POLE: variants seen among roughly 807,000 people sequenced by gnomAD.
POLE encodes the protein DNA polymerase epsilon, catalytic subunit, also known as DNA polymerase epsilon catalytic subunit A.
Under a neutral mutation model 279.2 loss-of-function variants are expected in POLE, and 188 were observed. The observed-to-expected ratio is 0.67, with a 90% CI of 0.60 to 0.76. The LOEUF is 0.76. Ranked by LOEUF, POLE falls within the 30% of genes least tolerant of loss-of-function variation. POLE has a pLI of 0.00. For synonymous variants in POLE, 1,214 were observed against 1,172.5 expected (o/e 1.04, Z -0.72); for missense variants, 2,703 against 3,016.7 (o/e 0.90, Z 2.44).
intron 3 of POLE, 62 bp from the exon 4 acceptor site, chr12:132,680,284 A>G: frequency 2.1e-6 from 3 of 1,459,768 alleles, no homozygotes; most frequent in Non-Finnish European, 2.9e-6. Context: ...AGAAAAGTGA[A>G]AACACATTGC....
In POLE at chr12:132,665,315, C is replaced by G. The variant is rs1555226692; in HGVS notation, c.2455G>C (p.Val819Leu). 4.3e-6 allele frequency: 7 copies of G among 1,613,952 alleles called. No individual in the cohort carries two copies. The highest frequency in any genetic ancestry group is 5.9e-6 in the Non-Finnish European group (7 of 1,179,920). ...KCILNSFYGY[V>L]MRKGARWYSM... The stretch of plus-strand genomic sequence containing the variant: ...GGGCCCACCTACCCCTTGCGCATGA[C>G]ATAGCCATAGAAGGAGTTCAGGATG... Residue 819 changes from valine to leucine, a missense_variant, in exon 21 of 49, where the codon GTC (valine) becomes CTC (leucine). Val to Leu is a conservative substitution (Grantham distance 32, BLOSUM62 1). This residue lies in a region of POLE where 1,011 missense variants were observed against 1,111.7 expected (regional missense o/e 0.91). Transcript: ENST00000320574.
At position 132,668,618 on chromosome 12, in the gene POLE, A is replaced by C; in HGVS notation, c.2026+17T>G. The C allele has an allele frequency of 6.2e-7, 1 of 1,603,266 alleles. No individual in the cohort carries two copies. Among genetic ancestry groups the C allele is most frequent in the Non-Finnish European group, 8.5e-7 (1 of 1,171,568 alleles). On this transcript the variant is annotated intron_variant, in intron 18 of 48. Transcript: ENST00000320574. The surrounding 1 kb of genome is among the most constrained non-coding windows in gnomAD (Gnocchi z 4.0). ...CCCGTTTCCCACCGAGTGCCCACCC[A>C]GGCGGCCGACACTCACTGAACTCGC...
chr12:132,662,414 A>G (rs1218102996), intron 23 of POLE, among the ~76,000 whole-genome samples: 1 of 152,268 alleles, frequency 6.6e-6, no homozygotes. Flanking sequence ...GAGAAATTCG[A>G]AACAGGTTTA....
intron 16 of POLE, among the ~76,000 whole-genome samples, chr12:132,669,546 A>C (rs2042876991): frequency 6.6e-6 from 1 of 152,204 alleles, no homozygotes; most frequent in Admixed American, 6.5e-5. Context: ...TTTAAGAAAA[A>C]AGTGATTACA....
At chr12:132,630,613 T>C (rs1037960165) in intron 45 of POLE, among the ~76,000 whole-genome samples, 1 of 152,024 alleles carries the variant, frequency 6.6e-6, no homozygotes, top group Non-Finnish European at 1.5e-5. Context: ...TGGGGGGGCG[T>C]GGTGGCAGGC....
At position 132,636,149 on chromosome 12, in the gene POLE, GACC is replaced by G. The variant is rs2138489022; in HGVS notation, c.5679-128_5679-126del. The stretch of plus-strand genomic sequence containing the variant: ...AACACTGAATTTGAAAGTTCATTCA[GACC>G]ACATCATCCCTCAGGCTTCCTGGGG... On this transcript the variant is annotated intron_variant, in intron 41 of 48. Coordinates refer to ENST00000320574, the MANE Select transcript of POLE (RefSeq NM_006231.4). The G allele has an allele frequency of 3.8e-6, 4 of 1,058,606 alleles. No homozygotes were observed. The South Asian group carries it at 7.0e-5, about 18-fold the overall frequency. The allele number at this position is 1,058,606 out of a possible 1,614,324, so 65.6% of individuals were successfully genotyped here. A position where few individuals can be genotyped will look rare whatever the true frequency, so the allele number is the denominator to read the frequency against.
Position 132,675,386 on chromosome 12 carries a change from TGTG to T in POLE, c.1226+9_1226+11del. ...ACAGCAGTGAGGAGCCATGCTGCTC[TGTG>T]GCCCCTACCTGAGGCAGTCCATGTG... is the stretch of plus-strand genomic sequence containing the variant. On this transcript the variant is annotated intron_variant, in intron 12 of 48. Transcript: ENST00000320574. This position sits in a 1 kb window ranked among gnomAD's most constrained non-coding sequence, Gnocchi z 4.3. 6.2e-7 allele frequency: 1 copy of T among 1,613,664 alleles called. No individual in the cohort carries two copies. The highest frequency in any genetic ancestry group is 1.1e-5 in the South Asian group (1 of 91,022).
At chr12:132,643,590 G>A in intron 33 of POLE, 30 bp from the exon 34 acceptor site, 1 of 1,612,976 alleles carries the variant, frequency 6.2e-7, no homozygotes, top group Non-Finnish European at 8.5e-7. Flanking sequence ...AGGCCGGCAA[G>A]GGCTGGATGG....
chr12:132,624,364 C>T lies in POLE; in HGVS notation c.*333G>A. On this transcript the variant is annotated 3_prime_UTR_variant, in exon 49 of 49. Coordinates refer to ENST00000320574, the MANE Select transcript of POLE (RefSeq NM_006231.4). ...GAACTAGGGGCACCTAGAGGACGCT[C>T]CCACCCCACCAGGTGTGGTGCAGGA... 7.3e-6 allele frequency: 3 copies of T among 411,206 alleles called. No individual in the cohort carries two copies. The highest frequency in any genetic ancestry group is 1.3e-5 in the Non-Finnish European group (3 of 222,824). 25.5% of individuals were successfully genotyped at this position (411,206 alleles called of 1,614,324 possible).
chr12:132,662,647 G>A (rs1267897669), intron 23 of POLE, among the ~76,000 whole-genome samples: 4 of 152,104 alleles, frequency 2.6e-5, no homozygotes, highest in African/African-American at 4.8e-5. Context: ...CATTCTTCTC[G>A]GAGAACTGGC....
intron 9 of POLE, 86 bp downstream of exon 9, chr12:132,676,460 T>C (rs1195734377): frequency 3.3e-6 from 3 of 902,420 alleles, no homozygotes; most frequent in Non-Finnish European, 5.5e-6. Context: ...CAACAAATAC[T>C]AACAGTGGGG....
intron 48 of POLE, 37 bp downstream of exon 48, chr12:132,624,868 G>A (rs2041798699): frequency 6.3e-7 from 1 of 1,595,088 alleles, no homozygotes; most frequent in Non-Finnish European, 8.6e-7. Context: ...AGGCCAAGGA[G>A]GCCAGGCTGA....
intron 15 of POLE, 82 bp from the exon 16 acceptor site, chr12:132,672,404 G>A (rs1436205972): frequency 1.7e-5 from 21 of 1,235,120 alleles, no homozygotes; most frequent in East Asian, 1.6e-4. Flanking sequence ...GTGGCTGCAC[G>A]TGGCAGGTTG....
chr12:132,625,844 G>C lies in POLE; in HGVS notation c.6532-74C>G, dbSNP rs5745072. ...CAGTGCCATGGGCAGGATCTCAGGA[G>C]AGGAAGGGGCTGTGAGAAGCGCCTG... On this transcript the variant is annotated intron_variant, in intron 46 of 48. Transcript: ENST00000320574. 823 of 1,560,034 alleles carry C rather than the reference G, an allele frequency of 5.3e-4. 5 individuals are homozygous for C. The African/African-American group carries it at 0.01, about 19-fold the overall frequency.
chr12:132,676,227 A>G (rs2043048752), intron 9 of POLE, 23 bp from the exon 10 acceptor site: 2 of 1,520,118 alleles, frequency 1.3e-6, no homozygotes, highest in South Asian at 2.2e-5. Context: ...ATTAGCAATC[A>G]GCACAAGTCA....
At position 132,668,309 on chromosome 12, in the gene POLE, G is replaced by A. The variant is rs2042840808; in HGVS notation, c.2173+47C>T. ...GCAGCCCAGTAAGAACAGAAAGTGG[G>A]AGCAGGAGCCACATCTTTACAGCCG... On this transcript the variant is annotated intron_variant, in intron 19 of 48. Transcript: ENST00000320574. The surrounding 1 kb of genome is among the most constrained non-coding windows in gnomAD (Gnocchi z 4.0). 4 of 1,509,616 alleles carry A rather than the reference G, an allele frequency of 2.6e-6. No individual in the cohort carries two copies. The highest frequency in any genetic ancestry group is 1.4e-5 in the African/African-American group (1 of 71,388). The allele number at this position is 1,509,616 out of a possible 1,614,324, so 93.5% of individuals were successfully genotyped here. A position where few individuals can be genotyped will look rare whatever the true frequency, so the allele number is the denominator to read the frequency against.
At chr12:132,667,712 C>A in intron 19 of POLE, 64 bp from the exon 20 acceptor site, 1 of 1,552,360 alleles carries the variant, frequency 6.4e-7, no homozygotes, top group Middle Eastern at 1.7e-4. Context: ...GGAGCCAGGG[C>A]ACAGGGGTGC....
intron 32 of POLE, among the ~76,000 whole-genome samples, chr12:132,648,093 T>C (rs1390562305): frequency 1.3e-5 from 2 of 151,334 alleles, no homozygotes; most frequent in African/African-American, 4.9e-5. Context: ...CAACGGGGAG[T>C]TCGGGTGGAG....
In POLE at chr12:132,668,393, G is replaced by T. The variant is rs755810756; in HGVS notation, c.2136C>A (p.Arg712=). The change falls in exon 19 of 49, where the codon CGC becomes CGA. Residue 712 remains arginine, a synonymous_variant. Coordinates refer to ENST00000320574, the MANE Select transcript of POLE (RefSeq NM_006231.4). This position sits in a 1 kb window ranked among gnomAD's most constrained non-coding sequence, Gnocchi z 4.0. Reference sequence around the variant, plus strand: ...TCTTCTCGTATTTCGCCTGTTCCTCGCGGGACAGTTCATGAAAGGCCCGAG... The same window carrying T: ...TCTTCTCGTATTTCGCCTGTTCCTCTCGGGACAGTTCATGAAAGGCCCGAG... ...GPARAFHELS[R]EEQAKYEKRR... is the part of the protein sequence containing the mutation. 1 of 1,609,004 alleles carries T rather than the reference G, an allele frequency of 6.2e-7. No individual in the cohort carries two copies. The highest frequency in any genetic ancestry group is 8.5e-7 in the Non-Finnish European group (1 of 1,177,242).
Sources: allele counts gnomAD v4.1 joint callset (sites outside exome capture counted in the v4.1 genomes callset), GRCh38; gene constraint gnomAD v4.1.1; regional missense constraint gnomAD v4.1.1; non-coding constraint Gnocchi (gnomAD v3.1); transcripts MANE v1.5; gene names NCBI Gene and HGNC (gene_info 2026-07-23, HGNC 2026-07-21).